The following LRRN3 variants were observed in gnomAD, a reference collection of about 807,000 sequenced individuals.
LRRN3 encodes the protein leucine-rich repeat neuronal protein 3.
Under a neutral mutation model 40.1 loss-of-function variants are expected in LRRN3, and 15 were observed. The observed-to-expected ratio is 0.37, with a 90% CI of 0.25 to 0.58. The LOEUF (loss-of-function observed/expected upper bound fraction) is 0.58, where lower values mean the gene tolerates loss of function less well. Ranked by LOEUF, LRRN3 falls within the 20% of genes least tolerant of loss-of-function variation. The probability of loss-of-function intolerance (pLI) is 0.72; values close to 1 mark genes in which losing one functional copy is unlikely to be tolerated. For missense variants in LRRN3, 746 were observed against 837.7 expected, an observed-to-expected ratio of 0.89 and a Z score of 1.35; for synonymous variants, 308 against 297.2, an observed-to-expected ratio of 1.04 and a Z score of -0.37.
At chr7:111,092,312 A>G (rs1796956488) in intron 1 of LRRN3, among the ~76,000 whole-genome samples, 1 of 152,234 alleles carries the variant, frequency 6.6e-6, no homozygotes, top group Admixed American at 6.5e-5. Context: ...ATGGCTTTAA[A>G]GTACATTTCC....
Position 111,124,047 on chromosome 7 carries a change from T to A in LRRN3, c.1275T>A (p.Pro425=), listed in dbSNP as rs1800983028. The change falls in exon 3 of 3, where the codon CCT becomes CCA. Residue 425 remains proline (P), a synonymous_variant. Coordinates refer to ENST00000308478, the MANE Select transcript of LRRN3 (RefSeq NM_001099658.2). The part of the protein sequence containing the change: ...MMEICLPLIA[P]ESFPSNLNVE... ...AAATTTGTCTCCCTCTTATAGCTCCTGAGAGCTTTCCTTCTAATCTAAATG... is the reference window on the plus strand; with the variant it reads ...AAATTTGTCTCCCTCTTATAGCTCCAGAGAGCTTTCCTTCTAATCTAAATG... 6.2e-7 allele frequency: 1 copy of A among 1,614,030 alleles called. No individual in the cohort carries two copies. The highest frequency in any genetic ancestry group is 8.5e-7 in the Non-Finnish European group (1 of 1,179,906).
chr7:111,123,045 A>T lies in LRRN3; in HGVS notation c.273A>T (p.Pro91=). 1 of 1,613,932 alleles carries T rather than the reference A, an allele frequency of 6.2e-7. No individual in the cohort carries two copies. The highest frequency in any genetic ancestry group is 1.1e-5 in the South Asian group (1 of 91,076). The change falls in exon 3 of 3, where the codon CCA becomes CCT. Residue 91 remains proline, a synonymous_variant. Coordinates refer to ENST00000308478, the MANE Select transcript of LRRN3 (RefSeq NM_001099658.2). The surrounding 1 kb of genome is among the most constrained non-coding windows in gnomAD (Gnocchi z 6.4). ...AAATTGAATACTCCACAGACTTTCC[A>T]GTAAACCTTACTGGCCTGGATTTAT... is the stretch of plus-strand genomic sequence containing the variant. ...IAKIEYSTDF[P]VNLTGLDLSQ...
intron 2 of LRRN3, among the ~76,000 whole-genome samples, chr7:111,118,480 C>T (rs1237159743): frequency 1.3e-5 from 2 of 151,978 alleles, no homozygotes; most frequent in Non-Finnish European, 2.9e-5. Context: ...TTGATTTTAA[C>T]GGCCTAAACT....
At chr7:111,117,778 G>T (rs1278623870) in intron 2 of LRRN3, among the ~76,000 whole-genome samples, 2 of 151,990 alleles carry the variant, frequency 1.3e-5, no homozygotes, top group African/African-American at 2.4e-5. Flanking sequence ...ATTTGCTATA[G>T]AAGAAAAGGA....
chr7:111,105,173 G>A (rs968507765), intron 2 of LRRN3, among the ~76,000 whole-genome samples: 3 of 151,812 alleles, frequency 2.0e-5, no homozygotes, highest in African/African-American at 7.2e-5. Flanking sequence ...AACCTTTGAA[G>A]TGCCCTTTAA....
intron 1 of LRRN3, among the ~76,000 whole-genome samples, chr7:111,092,131 A>G (rs1022697992): frequency 1.3e-5 from 2 of 152,210 alleles, no homozygotes; most frequent in African/African-American, 4.8e-5. Context: ...GCCAGGCTAC[A>G]TCTTACGGAC....
chr7:111,108,802 A>G (rs1367482991), intron 2 of LRRN3, among the ~76,000 whole-genome samples: 1 of 152,166 alleles, frequency 6.6e-6, no homozygotes, highest in African/African-American at 2.4e-5. Flanking sequence ...AAGGTCACAA[A>G]TGAGTACCTC....
At position 111,122,770 on chromosome 7, in the gene LRRN3, A is replaced by G. The variant is rs1182701105; in HGVS notation, c.-3A>G. The stretch of plus-strand genomic sequence containing the variant: ...CATTACATTTCTGAAGAAGAAAGCT[A>G]AGATGAAGGACATGCCACTCCGAAT... On this transcript the variant is annotated 5_prime_UTR_variant, in exon 3 of 3. Transcript: ENST00000308478. 2 of 1,607,422 alleles carry G rather than the reference A, an allele frequency of 1.2e-6. No individual in the cohort carries two copies. The highest frequency in any genetic ancestry group is 1.1e-5 in the South Asian group (1 of 90,166).
chr7:111,108,937 T>C (rs185009806), intron 2 of LRRN3, among the ~76,000 whole-genome samples: 135 of 152,308 alleles, frequency 8.9e-4, no homozygotes, highest in African/African-American at 3.2e-3. Context: ...TAGCTAGGCA[T>C]TGGAGATCCA....
Position 111,122,881 on chromosome 7 carries a change from A to T in LRRN3, c.109A>T (p.Ile37Phe). The part of the protein sequence containing the change: ...VDCPRLCTCE[I>F]RPWFTPRSIY... ...TTGTCCACGGTTATGTACGTGTGAAATCAGGCCTTGGTTTACACCCAGATC... is the reference window on the plus strand; with the variant it reads ...TTGTCCACGGTTATGTACGTGTGAATTCAGGCCTTGGTTTACACCCAGATC... The change falls in exon 3 of 3, where the codon ATC becomes TTC. Residue 37 changes from isoleucine to phenylalanine, a missense_variant. By Grantham distance (21) the Ile-to-Phe change is conservative. Coordinates refer to ENST00000308478, the MANE Select transcript of LRRN3 (RefSeq NM_001099658.2). 6.2e-7 allele frequency: 1 copy of T among 1,614,032 alleles called. No homozygotes were observed. Among genetic ancestry groups the T allele is most frequent in the Non-Finnish European group, 8.5e-7 (1 of 1,179,944 alleles).
At chr7:111,119,503 CT>C (rs1465348694) in intron 2 of LRRN3, among the ~76,000 whole-genome samples, 6 of 152,294 alleles carry the variant, frequency 3.9e-5, no homozygotes, top group Non-Finnish European at 8.8e-5. Flanking sequence ...AATAGATTAA[CT>C]TTTCTCTTAA....
intron 2 of LRRN3, among the ~76,000 whole-genome samples, chr7:111,105,163 A>G (rs2129581172): frequency 6.6e-6 from 1 of 152,004 alleles, no homozygotes; most frequent in Non-Finnish European, 1.5e-5. Context: ...ATAACCACAA[A>G]ACCTTTGAAG....
chr7:111,121,510 C>A (rs1445408161), intron 2 of LRRN3, among the ~76,000 whole-genome samples: 1 of 152,104 alleles, frequency 6.6e-6, no homozygotes, highest in African/African-American at 2.4e-5. Context: ...CAGAGAAATG[C>A]AAATCAAAAC....
rs398005852 is a variant in LRRN3 at position 111,124,932 on chromosome 7, C to CAA, written c.*45_*46dup. 1,860 of 885,236 alleles carry CAA rather than the reference C, an allele frequency of 2.1e-3. No homozygotes were observed. Among genetic ancestry groups the CAA allele is most frequent in the South Asian group, 3.0e-3 (113 of 37,958 alleles). 54.8% of individuals were successfully genotyped at this position (885,236 alleles called of 1,614,324 possible). On this transcript the variant is annotated 3_prime_UTR_variant, in exon 3 of 3. Coordinates refer to ENST00000308478, the MANE Select transcript of LRRN3 (RefSeq NM_001099658.2). ...CAAGGAAACCTACTCCAAAAATGAA[C>CAA]AAAAAAAAAAAAAGCGAAAGACTGC... is the stretch of plus-strand genomic sequence containing the variant.
intron 1 of LRRN3, among the ~76,000 whole-genome samples, chr7:111,096,589 C>G (rs993355743): frequency 1.3e-5 from 2 of 151,214 alleles, no homozygotes; most frequent in Admixed American, 6.6e-5. Flanking sequence ...ACCTACTCAT[C>G]CATATGTTTG....
At chr7:111,096,040 T>A (rs1739677234) in intron 1 of LRRN3, among the ~76,000 whole-genome samples, 1 of 152,010 alleles carries the variant, frequency 6.6e-6, no homozygotes, top group Non-Finnish European at 1.5e-5. Context: ...CTCCAAATTT[T>A]GCTTAACATA....
At chr7:111,120,042 C>T (rs214868) in intron 2 of LRRN3, among the ~76,000 whole-genome samples, 14,089 of 151,966 alleles carry the variant, frequency 0.093, 1,504 homozygotes, top group African/African-American at 0.26. Context: ...CATAGCTCTA[C>T]CAATAGGGAG....
chr7:111,118,630 TAAGAA>T (rs1285763655), intron 2 of LRRN3, among the ~76,000 whole-genome samples: 1 of 152,072 alleles, frequency 6.6e-6, no homozygotes, highest in Non-Finnish European at 1.5e-5. Flanking sequence ...TAATAATGAA[TAAGAA>T]AAGGCTTTGA....
intron 2 of LRRN3, among the ~76,000 whole-genome samples, chr7:111,111,942 G>GTTTTTTTTTTTTT (rs748410980): frequency 5.9e-5 from 5 of 84,110 alleles, no homozygotes; most frequent in African/African-American, 1.5e-4. Flanking sequence ...TATATAGTTT[G>GTTTTTTTTTTTTT]TTTTTTTTTT....
Sources: allele counts gnomAD v4.1 joint callset (sites outside exome capture counted in the v4.1 genomes callset), GRCh38; gene constraint gnomAD v4.1.1; non-coding constraint Gnocchi (gnomAD v3.1); transcripts MANE v1.5; gene names NCBI Gene and HGNC (gene_info 2026-07-23, HGNC 2026-07-21).